The following CSMD1 variants were observed in gnomAD, a reference collection of about 807,000 sequenced individuals.
CSMD1 encodes the protein CUB and Sushi multiple domains 1, also known as CUB and sushi domain-containing protein 1.
In CSMD1, 213 loss-of-function variants were observed where a neutral mutation model predicts 417.5. That is an observed-to-expected ratio of 0.51 (90% CI 0.46 to 0.57). The LOEUF (loss-of-function observed/expected upper bound fraction) is 0.57. Among genes scored for constraint, CSMD1 ranks in the 20% least tolerant of loss-of-function variants. CSMD1 has a pLI of 0.00. For missense variants in CSMD1, 6,923 were observed against 4,529.7 expected (o/e 1.53, Z -15.17); for synonymous variants, 2,862 against 1,736.8 (o/e 1.65, Z -16.11).
chr8:4,457,342 G>A (rs995483283), intron 2 of CSMD1, among the ~76,000 whole-genome samples: 1 of 152,114 alleles, frequency 6.6e-6, no homozygotes, highest in Non-Finnish European at 1.5e-5. Flanking sequence ...GGACACCGGA[G>A]AGGGGTTTGC....
chr8:4,422,869 C>T (rs1797328090), intron 2 of CSMD1, among the ~76,000 whole-genome samples: 3 of 151,912 alleles, frequency 2.0e-5, no homozygotes, highest in African/African-American at 7.3e-5. Flanking sequence ...TAGAAAGGTC[C>T]AATCTTTGAA....
At chr8:4,615,605 G>T (rs1357492830) in intron 2 of CSMD1, among the ~76,000 whole-genome samples, 1 of 152,070 alleles carries the variant, frequency 6.6e-6, no homozygotes, top group East Asian at 1.9e-4. Flanking sequence ...AGCAAAAGAG[G>T]CGCTATAGCC....
rs77698590 is a variant in CSMD1 at position 3,971,940 on chromosome 8, T to A, written c.818+25963A>T. Among the ~76,000 whole-genome samples, 3 of 152,238 alleles carry A rather than the reference T, an allele frequency of 2.0e-5. No homozygotes were observed. The East Asian group carries it at 5.8e-4, about 29-fold the overall frequency. On this transcript the variant is annotated intron_variant, in intron 5 of 69. Transcript: ENST00000635120. ...TCTATTTTTTTGAGACAGGGTGTCATTCTGTTGCCCAGGCTGGAGTGCAGT... is the reference window on the plus strand; with the variant it reads ...TCTATTTTTTTGAGACAGGGTGTCAATCTGTTGCCCAGGCTGGAGTGCAGT...
intron 25 of CSMD1, among the ~76,000 whole-genome samples, chr8:3,297,731 C>A (rs1227620603): frequency 6.6e-6 from 1 of 152,034 alleles, no homozygotes; most frequent in African/African-American, 2.4e-5. Flanking sequence ...ATTTGTATAG[C>A]TTTGGGGAGG....
At chr8:3,448,422 A>AGGGAG (rs1554556122) in intron 12 of CSMD1, among the ~76,000 whole-genome samples, 1 of 20,882 alleles carries the variant, frequency 4.8e-5, no homozygotes, top group Non-Finnish European at 9.2e-5. Flanking sequence ...AAGGAAGGGA[A>AGGGAG]GGAAGAAGGA....
chr8:4,644,933 G>C (rs1315251465), intron 1 of CSMD1, among the ~76,000 whole-genome samples: 1 of 152,152 alleles, frequency 6.6e-6, no homozygotes, highest in Non-Finnish European at 1.5e-5. Flanking sequence ...GGTAGAGGTG[G>C]TCGGACAAAT....
At chr8:3,540,243 C>T (rs1231564357) in intron 10 of CSMD1, among the ~76,000 whole-genome samples, 2 of 152,110 alleles carry the variant, frequency 1.3e-5, no homozygotes, top group Non-Finnish European at 2.9e-5. Flanking sequence ...CCAGCACTTC[C>T]TGATTCAACT....
At chr8:4,771,447 T>G (rs1394800866) in intron 1 of CSMD1, among the ~76,000 whole-genome samples, 1 of 152,216 alleles carries the variant, frequency 6.6e-6, no homozygotes, top group African/African-American at 2.4e-5. Context: ...AAACATTACT[T>G]TAAATACACA....
chr8:3,433,484 C>T (rs12675461), intron 12 of CSMD1, among the ~76,000 whole-genome samples: 7 of 151,924 alleles, frequency 4.6e-5, no homozygotes, highest in Non-Finnish European at 8.8e-5. Context: ...GTGGTGTGGG[C>T]GGATTGCTTC....
intron 26 of CSMD1, among the ~76,000 whole-genome samples, chr8:3,236,638 G>C (rs533885117): frequency 2.1e-4 from 32 of 152,284 alleles, no homozygotes; most frequent in Admixed American, 2.0e-3. Flanking sequence ...TTCCACTTCA[G>C]GCTCTTCACA....
At chr8:4,797,768 G>A (rs1585115648) in intron 1 of CSMD1, among the ~76,000 whole-genome samples, 1 of 152,164 alleles carries the variant, frequency 6.6e-6, no homozygotes, top group East Asian at 1.9e-4. Flanking sequence ...TTTTATAAAT[G>A]CTGAGACTAA....
intron 12 of CSMD1, among the ~76,000 whole-genome samples, chr8:3,454,824 C>A (rs946774243): frequency 6.6e-6 from 1 of 152,098 alleles, no homozygotes; most frequent in Non-Finnish European, 1.5e-5. Context: ...ATCTTTGTGG[C>A]ATTCTCTGTA....
intron 2 of CSMD1, among the ~76,000 whole-genome samples, chr8:4,549,914 A>G (rs1282495023): frequency 6.6e-6 from 1 of 150,502 alleles, no homozygotes; most frequent in Non-Finnish European, 1.5e-5. Context: ...AAAAAAAAAA[A>G]AAAAAAGAAA....
chr8:3,601,762 C>T (rs556292524), intron 8 of CSMD1, among the ~76,000 whole-genome samples: 10 of 152,174 alleles, frequency 6.6e-5, no homozygotes, highest in Non-Finnish European at 7.3e-5. Context: ...GATTTGGGGA[C>T]CATTCTCCCT....
At chr8:4,629,637 T>G (rs142151219) in intron 2 of CSMD1, among the ~76,000 whole-genome samples, 2,142 of 152,332 alleles carry the variant, frequency 0.014, 24 homozygotes, top group Middle Eastern at 0.058. Context: ...CTAAATTACG[T>G]GTCCTGCCTA....
At chr8:3,850,463 G>C (rs1029239812) in intron 5 of CSMD1, among the ~76,000 whole-genome samples, 2 of 152,190 alleles carry the variant, frequency 1.3e-5, no homozygotes. Flanking sequence ...GGAAGGCTGA[G>C]GCAGGCAGAT....
intron 2 of CSMD1, among the ~76,000 whole-genome samples, chr8:4,435,276 C>G (rs969533129): frequency 6.6e-6 from 1 of 152,074 alleles, no homozygotes; most frequent in Non-Finnish European, 1.5e-5. Context: ...GTTAATCCAC[C>G]TACTGTTCAC....
At chr8:3,318,221 ACTT>A (rs1465316631) in intron 23 of CSMD1, among the ~76,000 whole-genome samples, 2 of 152,204 alleles carry the variant, frequency 1.3e-5, no homozygotes, top group Non-Finnish European at 2.9e-5. Flanking sequence ...TCATAGTATA[ACTT>A]CTTACTATAA....
intron 1 of CSMD1, among the ~76,000 whole-genome samples, chr8:4,802,810 G>T (rs980275988): frequency 2.0e-5 from 3 of 152,166 alleles, no homozygotes; most frequent in African/African-American, 7.2e-5. Flanking sequence ...TCATAGGGAA[G>T]GACAGACTCC....
Sources: allele counts gnomAD v4.1 joint callset (sites outside exome capture counted in the v4.1 genomes callset), GRCh38; gene constraint gnomAD v4.1.1; transcripts MANE v1.5; gene names NCBI Gene and HGNC (gene_info 2026-07-23, HGNC 2026-07-21).